IGFL2: variants seen among roughly 807,000 people sequenced by gnomAD.
IGFL2 encodes insulin growth factor-like family member 2.
In IGFL2, 7 loss-of-function variants were observed where a neutral mutation model predicts 13.9. The observed-to-expected ratio is 0.51, with a 90% CI of 0.29 to 0.95. The LOEUF is 0.95. IGFL2 is among the 40% of genes least tolerant of loss of function. IGFL2 has a pLI of 0.08. For missense variants in IGFL2, 138 were observed against 147.8 expected (o/e 0.93, Z 0.34); for synonymous variants, 55 against 55.8 (o/e 0.99, Z 0.07).
intron 1 of IGFL2, among the ~76,000 whole-genome samples, chr19:46,153,022 C>T (rs1419800169): frequency 6.6e-6 from 1 of 152,180 alleles, no homozygotes; most frequent in Non-Finnish European, 1.5e-5. Flanking sequence ...GATAAATCCA[C>T]TTGGTCATGG....
At chr19:46,130,903 T>G in the IGFL2 span, among the ~76,000 whole-genome samples, 1 of 152,114 alleles carries the variant, frequency 6.6e-6, no homozygotes, top group Non-Finnish European at 1.5e-5. Context: ...GCTGGTGGAG[T>G]CTTCTTTTTT....
intron 1 of IGFL2, among the ~76,000 whole-genome samples, chr19:46,152,086 C>T (rs1408441959): frequency 1.3e-5 from 2 of 152,140 alleles, no homozygotes; most frequent in African/African-American, 4.8e-5. Context: ...TCTTGCACCT[C>T]TTCTGTTCAA....
In IGFL2 at chr19:46,160,192, A is replaced by C. The variant is rs574203303; in HGVS notation, c.20-223A>C. On this transcript the variant is annotated intron_variant, in intron 1 of 3. Transcript: ENST00000377693. ...GAATCATAAACGAAGATATTCCAAG[A>C]GTTTTCCCTGCATTCTCTTTCCTAG... 70 of 568,402 alleles carry C rather than the reference A, an allele frequency of 1.2e-4. No individual in the cohort carries two copies. In the South Asian group the frequency reaches 1.5e-3, roughly 12 times the overall value. The allele number at this position is 568,402 out of a possible 1,614,324, so 35.2% of individuals were successfully genotyped here.
the IGFL2 span, among the ~76,000 whole-genome samples, chr19:46,134,576 T>G: frequency 3.3e-5 from 5 of 152,162 alleles, no homozygotes; most frequent in African/African-American, 1.2e-4. Flanking sequence ...TCATCAGACA[T>G]TAGATTCTCA....
At chr19:46,098,210 G>A in the IGFL2 span, among the ~76,000 whole-genome samples, 3 of 152,168 alleles carry the variant, frequency 2.0e-5, no homozygotes, top group Non-Finnish European at 4.4e-5. Context: ...ATATATTTAG[G>A]ATTGTTAGCT....
the IGFL2 span, among the ~76,000 whole-genome samples, chr19:46,129,808 A>G: frequency 6.6e-6 from 1 of 152,106 alleles, no homozygotes; most frequent in Non-Finnish European, 1.5e-5. Context: ...AATGTGTGCC[A>G]TGTGGTGGTG....
At chr19:46,086,992 C>A in the IGFL2 span, among the ~76,000 whole-genome samples, 1 of 152,070 alleles carries the variant, frequency 6.6e-6, no homozygotes, top group Admixed American at 6.6e-5. Flanking sequence ...GCCAGGTAGG[C>A]CAGGTTTTGG....
chr19:46,167,481 A>G, the IGFL2 span, among the ~76,000 whole-genome samples: 29 of 152,180 alleles, frequency 1.9e-4, no homozygotes, highest in African/African-American at 7.0e-4. Context: ...CAATGGGGCT[A>G]ATGCAGGCAT....
the IGFL2 span, among the ~76,000 whole-genome samples, chr19:46,105,065 A>G: frequency 1.1e-4 from 16 of 152,188 alleles, no homozygotes; most frequent in African/African-American, 3.4e-4. Context: ...GCCCTAAGCA[A>G]TGGGATCTGA....
the IGFL2 span, among the ~76,000 whole-genome samples, chr19:46,125,945 T>A: frequency 6.6e-6 from 1 of 152,220 alleles, no homozygotes; most frequent in African/African-American, 2.4e-5. Flanking sequence ...ATTGGGAAGT[T>A]AATGTGTACT....
chr19:46,133,513 TGA>T, the IGFL2 span, among the ~76,000 whole-genome samples: 1 of 152,172 alleles, frequency 6.6e-6, no homozygotes, highest in Non-Finnish European at 1.5e-5. Flanking sequence ...TGTGGAATGC[TGA>T]GAGAGGCAAA....
the IGFL2 span, chr19:46,124,163 G>T: frequency 1.8e-5 from 29 of 1,609,908 alleles, 2 homozygotes; most frequent in Admixed American, 4.7e-4. Context: ...GCGTCTGGGG[G>T]CAGACATTGA....
chr19:46,182,388 A>AG, the IGFL2 span, among the ~76,000 whole-genome samples: 2 of 151,680 alleles, frequency 1.3e-5, no homozygotes, highest in African/African-American at 4.8e-5. Context: ...AAAAAAAAAA[A>AG]AATTCTGGAT....
the IGFL2 span, among the ~76,000 whole-genome samples, chr19:46,098,559 A>G: frequency 6.8e-6 from 1 of 146,048 alleles, no homozygotes; most frequent in Non-Finnish European, 1.5e-5. Flanking sequence ...AGCTCACTGC[A>G]CTTCTGCCTC....
At chr19:46,199,612 A>G in the IGFL2 span, among the ~76,000 whole-genome samples, 1 of 152,168 alleles carries the variant, frequency 6.6e-6, no homozygotes, top group Non-Finnish European at 1.5e-5. Flanking sequence ...GGCCTGACTC[A>G]GCCACCCTGA....
the IGFL2 span, among the ~76,000 whole-genome samples, chr19:46,094,034 A>AT: frequency 0.54 from 61,886 of 114,118 alleles, 18,035 homozygotes; most frequent in Non-Finnish European, 0.66. Flanking sequence ...GCCTTGGAGG[A>AT]TTTTTTTTTT....
chr19:46,171,161 A>G, the IGFL2 span, among the ~76,000 whole-genome samples: 1 of 152,120 alleles, frequency 6.6e-6, no homozygotes, highest in Non-Finnish European at 1.5e-5. Flanking sequence ...ACCAAGCTTT[A>G]CCATTTCTTT....
At chr19:46,208,517 C>G in the IGFL2 span, 6 of 152,226 alleles carry the variant, frequency 3.9e-5, no homozygotes, top group Non-Finnish European at 2.9e-5. Context: ...CACTTTCAGG[C>G]AGTTCCTCCT....
Position 46,160,058 on chromosome 19 carries a change from A to G in IGFL2, c.20-357A>G, listed in dbSNP as rs550261048. 1.5e-3 allele frequency: 449 copies of G among 301,806 alleles called. 7 individuals are homozygous for G. Among genetic ancestry groups the G allele is most frequent in the South Asian group, 0.012 (290 of 24,516 alleles). The allele number at this position is 301,806 out of a possible 1,614,324, so 18.7% of individuals were successfully genotyped here. A position where few individuals can be genotyped will look rare whatever the true frequency, so the allele number is the denominator to read the frequency against. On this transcript the variant is annotated intron_variant, in intron 1 of 3. Transcript: ENST00000377693. ...CTGCACCCCAGTTCTCCACTTGCCA[A>G]TCTTACTCAGCTTCCTTCCTCCTTC...
Sources: allele counts gnomAD v4.1 joint callset (sites outside exome capture counted in the v4.1 genomes callset), GRCh38; gene constraint gnomAD v4.1.1; transcripts MANE v1.5; gene names NCBI Gene and HGNC (gene_info 2026-07-23, HGNC 2026-07-21).